Variants in CEP128 observed in about 807,000 individuals in gnomAD.
CEP128 encodes the protein centrosomal protein 128kDa.
In CEP128, 132 loss-of-function variants were observed where a neutral mutation model predicts 156.7. That is an observed-to-expected ratio of 0.84 (90% confidence interval 0.73 to 0.97). CEP128 has a LOEUF of 0.97. Ranked by LOEUF, CEP128 falls within the 50% of genes least tolerant of loss-of-function variation. The probability of loss-of-function intolerance (pLI) is 0.00; values close to 1 mark genes in which losing one functional copy is unlikely to be tolerated. For synonymous variants in CEP128, 469 were observed against 448.9 expected (o/e 1.04, Z -0.57); for missense variants, 1,252 against 1,281.9 (o/e 0.98, Z 0.36).
chr14:80,571,067 G>A (rs1318547096), intron 20 of CEP128, among the ~76,000 whole-genome samples: 2 of 152,128 alleles, frequency 1.3e-5, no homozygotes, highest in African/African-American at 4.8e-5. Context: ...GAAGCACATG[G>A]CAGTCAATAC....
chr14:80,551,101 G>A (rs1430806282), intron 21 of CEP128, among the ~76,000 whole-genome samples: 1 of 152,074 alleles, frequency 6.6e-6, no homozygotes, highest in African/African-American at 2.4e-5. Flanking sequence ...ATAGTGATCT[G>A]TCATCAAAAT....
chr14:80,541,152 C>T (rs980070928), intron 21 of CEP128, among the ~76,000 whole-genome samples: 2 of 152,086 alleles, frequency 1.3e-5, no homozygotes, highest in Non-Finnish European at 2.9e-5. Context: ...CCATGGTTCT[C>T]AGTTTCTAAG....
chr14:80,547,999 C>T (rs1890057440), intron 21 of CEP128, among the ~76,000 whole-genome samples: 1 of 152,078 alleles, frequency 6.6e-6, no homozygotes, highest in Admixed American at 6.6e-5. Flanking sequence ...GGGGTTTCAC[C>T]ATGTTAGCCA....
intron 2 of CEP128, chr14:80,955,821 C>T (rs1566735446): frequency 5.0e-6 from 8 of 1,614,190 alleles, no homozygotes; most frequent in Non-Finnish European, 6.8e-6. Context: ...TTCAACGCAT[C>T]CCCAGCTTAC....
intron 9 of CEP128, among the ~76,000 whole-genome samples, chr14:80,856,547 G>A (rs1020917889): frequency 6.6e-6 from 1 of 151,834 alleles, no homozygotes; most frequent in Admixed American, 6.6e-5. Flanking sequence ...GGGAAGCTGA[G>A]GTAGAAGGAT....
chr14:80,487,177 G>A (rs796865659), downstream of CEP128, among the ~76,000 whole-genome samples: 9 of 152,118 alleles, frequency 5.9e-5, no homozygotes, highest in South Asian at 1.9e-3. Flanking sequence ...AGGGATAGAG[G>A]AAGATCTACC....
chr14:80,916,494 A>T lies in CEP128; in HGVS notation c.54T>A (p.Ser18Arg). The change falls in exon 3 of 25, where the codon AGT becomes AGA. Residue 18 changes from serine to arginine, a missense_variant. Physicochemically the swap from Ser to Arg is moderately radical, Grantham distance 110. Transcript: ENST00000555265. ...SDHFRCRDRL[S>R]PWAARSTHRG... ...TGTGCGTTGATCTGGCAGCCCATGG[A>T]CTCAATCGGTCACGACAGCGGAAGT... The T allele has an allele frequency of 1.2e-6, 2 of 1,614,048 alleles. No homozygotes were observed. Among genetic ancestry groups the T allele is most frequent in the Non-Finnish European group, 1.7e-6 (2 of 1,179,928 alleles).
rs371086639 is a variant in CEP128, at chr14:80,815,158, T to C, written c.1209+15985A>G. On this transcript the variant is annotated intron_variant, in intron 13 of 24. Coordinates refer to ENST00000555265, the MANE Select transcript of CEP128 (RefSeq NM_152446.5). ...CCTGCTGAATAGGAGAAAATATTTG[T>C]AAACTATACATCTGACTGATAAACA... Among the ~76,000 whole-genome samples, 5 of 152,270 alleles carry C rather than the reference T, an allele frequency of 3.3e-5. No individual in the cohort carries two copies. The East Asian group carries it at 5.8e-4, about 18-fold the overall frequency.
In CEP128 at chr14:80,664,491, CAA is replaced by C. The variant is rs35365427; in HGVS notation, c.2806+78582_2806+78583del. 3.2e-4 allele frequency among the ~76,000 whole-genome samples: 46 copies of C among 145,456 alleles called. No individual in the cohort carries two copies. The East Asian group carries it at 4.0e-3, about 13-fold the overall frequency. On this transcript the variant is annotated intron_variant, in intron 19 of 24. Transcript: ENST00000555265. The stretch of plus-strand genomic sequence containing the variant: ...ACAAAGCAGAGACAGAATATGAGGG[CAA>C]AAAAAAAAAATACTGTATTAATTAT...
chr14:80,597,220 A>G (rs1892369573), intron 19 of CEP128, among the ~76,000 whole-genome samples: 1 of 152,156 alleles, frequency 6.6e-6, no homozygotes, highest in Admixed American at 6.5e-5. Context: ...GGGAGGGTGA[A>G]GAGAAAACAC....
intron 2 of CEP128, among the ~76,000 whole-genome samples, chr14:80,938,935 C>A (rs1481524301): frequency 6.6e-6 from 1 of 152,176 alleles, no homozygotes; most frequent in Non-Finnish European, 1.5e-5. Flanking sequence ...AGCAATGAAG[C>A]CCCTTGGCAG....
intron 19 of CEP128, among the ~76,000 whole-genome samples, chr14:80,656,635 TC>T (rs1164314853): frequency 3.9e-5 from 6 of 152,046 alleles, no homozygotes; most frequent in Admixed American, 1.3e-4. Flanking sequence ...CTCTAGTCTA[TC>T]TAAATCTAAT....
At chr14:80,644,722 A>G (rs1256026304) in intron 19 of CEP128, among the ~76,000 whole-genome samples, 1 of 152,168 alleles carries the variant, frequency 6.6e-6, no homozygotes, top group Non-Finnish European at 1.5e-5. Context: ...TAACTACTCT[A>G]TATTTCTATA....
At chr14:80,950,267 C>G (rs536298513) in intron 2 of CEP128, among the ~76,000 whole-genome samples, 2 of 152,286 alleles carry the variant, frequency 1.3e-5, no homozygotes, top group African/African-American at 4.8e-5. Flanking sequence ...CCACCAACAC[C>G]TTAACTTTAG....
intron 4 of CEP128, among the ~76,000 whole-genome samples, chr14:80,912,888 T>C (rs1161256887): frequency 2.0e-5 from 3 of 152,172 alleles, no homozygotes; most frequent in African/African-American, 4.8e-5. Context: ...TAGGTACATA[T>C]ACAATGTGAT....
At position 80,761,523 on chromosome 14, in the gene CEP128, C is replaced by T. The variant is rs758386822; in HGVS notation, c.2467G>A (p.Glu823Lys). 2 of 1,612,820 alleles carry T rather than the reference C, an allele frequency of 1.2e-6. No individual in the cohort carries two copies. Among genetic ancestry groups the T allele is most frequent in the East Asian group, 2.2e-5 (1 of 44,858 alleles). The stretch of plus-strand genomic sequence containing the variant: ...ATCACACCAAGAATGGATTCCTGTT[C>T]AGTCTCCAAGCAAAGAAGTTGATCC... ...LKDQLLCLET[E>K]QESILGVIGK... The change falls in exon 17 of 25, where the codon GAA (glutamate) becomes AAA (lysine). Residue 823 changes from glutamate (E) to lysine (K), a missense_variant. By Grantham distance (56) the Glu-to-Lys change is moderately conservative. Coordinates refer to ENST00000555265, the MANE Select transcript of CEP128 (RefSeq NM_152446.5).
intron 19 of CEP128, among the ~76,000 whole-genome samples, chr14:80,683,135 C>T (rs971284364): frequency 3.9e-5 from 6 of 152,096 alleles, no homozygotes; most frequent in African/African-American, 1.4e-4. Context: ...CAATATTAAC[C>T]TTGAATATAA....
intron 19 of CEP128, among the ~76,000 whole-genome samples, chr14:80,615,957 T>C (rs924049526): frequency 6.6e-6 from 1 of 152,220 alleles, no homozygotes; most frequent in Admixed American, 6.5e-5. Flanking sequence ...TCGATTTATA[T>C]CAGCACAGTC....
At position 80,840,775 on chromosome 14, in the gene CEP128, T is replaced by A; in HGVS notation, c.763-7A>T. The A allele has an allele frequency of 6.3e-7, 1 of 1,577,430 alleles. No homozygotes were observed. The highest frequency in any genetic ancestry group is 1.7e-5 in the Admixed American group (1 of 58,450). ...CTTCTTGTTTCTTTAGTGCCTGGAATGAAAGAGGTGGAAAAAAATTATCCC... is the reference window on the plus strand; with the variant it reads ...CTTCTTGTTTCTTTAGTGCCTGGAAAGAAAGAGGTGGAAAAAAATTATCCC... On this transcript the variant is annotated splice_polypyrimidine_tract_variant and splice_region_variant and intron_variant, in intron 9 of 24. Coordinates refer to ENST00000555265, the MANE Select transcript of CEP128 (RefSeq NM_152446.5).
Sources: gnomAD v4.1 joint callset for allele counts (sites outside exome capture counted in the v4.1 genomes callset) on GRCh38, gnomAD v4.1.1 for gene constraint, MANE v1.5 for transcripts, NCBI Gene and HGNC (gene_info 2026-07-23, HGNC 2026-07-21) for gene names.